The following SUCO variants were observed in gnomAD, a reference collection of about 807,000 sequenced individuals.
SUCO encodes the protein SUN domain containing ossification factor.
SUCO carries 57 observed loss-of-function variants against 148.1 expected under a neutral mutation model. That is an observed-to-expected ratio of 0.38 (90% CI 0.31 to 0.48). The LOEUF (loss-of-function observed/expected upper bound fraction) is 0.48. Ranked by LOEUF, SUCO falls within the 20% of genes least tolerant of loss-of-function variation. The probability of loss-of-function intolerance (pLI) is 0.96; values close to 1 mark genes in which losing one functional copy is unlikely to be tolerated. For missense variants in SUCO, 1,331 were observed against 1,468.2 expected (o/e 0.91, Z 1.53); for synonymous variants, 470 against 502.7 (o/e 0.93, Z 0.87).
At chr1:172,583,600 C>G (rs1459151499) in intron 15 of SUCO, among the ~76,000 whole-genome samples, 3 of 152,190 alleles carry the variant, frequency 2.0e-5, no homozygotes, top group Non-Finnish European at 4.4e-5. Flanking sequence ...TCCTTTTCTA[C>G]TTTTCACATC....
At chr1:172,605,274 CCT>C (rs1657793958) in intron 22 of SUCO, among the ~76,000 whole-genome samples, 1 of 151,740 alleles carries the variant, frequency 6.6e-6, no homozygotes, top group African/African-American at 2.4e-5. Flanking sequence ...AAGCTTTTCC[CCT>C]GTTTTCTTCC....
At chr1:172,576,893 C>T in intron 11 of SUCO, 1 of 784,212 alleles carries the variant, frequency 1.3e-6, no homozygotes, top group Non-Finnish European at 1.5e-6. Context: ...AGTTTTTTAC[C>T]TGGATGTTCC....
At chr1:172,608,899 C>T in intron 23 of SUCO, 97 bp downstream of exon 23, 1 of 797,282 alleles carries the variant, frequency 1.3e-6, no homozygotes. Flanking sequence ...TTTAAGTAGT[C>T]CTTAACTGAA....
chr1:172,586,461 G>T (rs1301902761), intron 17 of SUCO, among the ~76,000 whole-genome samples: 1 of 152,048 alleles, frequency 6.6e-6, no homozygotes, highest in African/African-American at 2.4e-5. Context: ...CTTTGGGCAG[G>T]GATGTATCTA....
chr1:172,610,578 C>T lies in SUCO; in HGVS notation c.*319C>T, dbSNP rs1295978658. 1 of 202,632 alleles carries T rather than the reference C, an allele frequency of 4.9e-6. No individual in the cohort carries two copies. The highest frequency in any genetic ancestry group is 1.1e-4 in the East Asian group (1 of 9,036). The allele number at this position is 202,632 out of a possible 1,614,324, so 12.6% of individuals were successfully genotyped here. On this transcript the variant is annotated 3_prime_UTR_variant, in exon 24 of 24. Coordinates refer to ENST00000263688, the MANE Select transcript of SUCO (RefSeq NM_014283.5). ...GGGATAGGAATGAAAGCCTAAACCT[C>T]TTCCTTTAGCTTTGTTCCTATTTCT...
intron 22 of SUCO, among the ~76,000 whole-genome samples, chr1:172,604,440 A>C (rs1571297985): frequency 6.6e-6 from 1 of 151,908 alleles, no homozygotes; most frequent in South Asian, 2.1e-4. Context: ...GGCATTTATC[A>C]TAGTATGCTT....
intron 19 of SUCO, among the ~76,000 whole-genome samples, chr1:172,598,859 A>G (rs1444624963): frequency 6.6e-6 from 1 of 152,240 alleles, no homozygotes; most frequent in African/African-American, 2.4e-5. Context: ...CATTTTGGAA[A>G]GATGAAGTAG....
intron 1 of SUCO, among the ~76,000 whole-genome samples, chr1:172,535,787 C>G (rs1651967522): frequency 6.6e-6 from 1 of 152,070 alleles, no homozygotes; most frequent in Non-Finnish European, 1.5e-5. Flanking sequence ...CTGAGGTTTC[C>G]CCTCTCATGC....
intron 4 of SUCO, chr1:172,556,968 A>G: frequency 1.1e-5 from 11 of 982,148 alleles, no homozygotes; most frequent in South Asian, 4.7e-5. Flanking sequence ...GAAGGATGCC[A>G]TAAGTAACAA....
At chr1:172,556,485 GA>G (rs1283757745) in intron 4 of SUCO, 4 of 455,026 alleles carry the variant, frequency 8.8e-6, no homozygotes, top group African/African-American at 8.5e-5. Flanking sequence ...CCTTAATTTA[GA>G]AAATTTGTTA....
chr1:172,537,866 A>G (rs1350488659), intron 1 of SUCO, among the ~76,000 whole-genome samples: 1 of 152,178 alleles, frequency 6.6e-6, no homozygotes, highest in East Asian at 1.9e-4. Flanking sequence ...CACTAACTGT[A>G]TGTCTTTGGA....
At chr1:172,548,427 A>G (rs2472549) in intron 1 of SUCO, among the ~76,000 whole-genome samples, 49,189 of 151,636 alleles carry the variant, frequency 0.32, 9,513 homozygotes, top group African/African-American at 0.54. Flanking sequence ...AGCAATGCCT[A>G]TCCATATATC....
At chr1:172,568,432 TTAACC>T (rs763398805) in intron 6 of SUCO, 23 of 981,348 alleles carry the variant, frequency 2.3e-5, no homozygotes, top group Non-Finnish European at 2.8e-5. Flanking sequence ...TCATTTATGG[TTAACC>T]TAACCAAATG....
chr1:172,573,881 C>T lies in SUCO; in HGVS notation c.1050-10C>T. On this transcript the variant is annotated splice_polypyrimidine_tract_variant and intron_variant, in intron 9 of 23. Coordinates refer to ENST00000263688, the MANE Select transcript of SUCO (RefSeq NM_014283.5). ...TTGGTTTAAGTAATTGTCTTTTGTT[C>T]TTTTTGAAGGTTTGTTATTGAACTT... 4.8e-6 allele frequency: 7 copies of T among 1,470,590 alleles called. No homozygotes were observed. The highest frequency in any genetic ancestry group is 6.6e-6 in the Non-Finnish European group (7 of 1,059,420). The allele number at this position is 1,470,590 out of a possible 1,614,324, so 91.1% of individuals were successfully genotyped here. A position where few individuals can be genotyped will look rare whatever the true frequency, so the allele number is the denominator to read the frequency against.
chr1:172,577,725 C>T (rs190154744), intron 12 of SUCO, 39 bp from the exon 13 acceptor site: 1 of 1,597,772 alleles, frequency 6.3e-7, no homozygotes, highest in South Asian at 1.1e-5. Context: ...CTTACATGCT[C>T]TCTGCTGGCT....
intron 22 of SUCO, among the ~76,000 whole-genome samples, chr1:172,604,859 A>G (rs1657762207): frequency 6.6e-6 from 1 of 151,854 alleles, no homozygotes; most frequent in African/African-American, 2.4e-5. Flanking sequence ...TTTTCCTATT[A>G]AAGGGTGAAA....
At chr1:172,536,119 C>T (rs1485659643) in intron 1 of SUCO, among the ~76,000 whole-genome samples, 1 of 152,062 alleles carries the variant, frequency 6.6e-6, no homozygotes, top group Non-Finnish European at 1.5e-5. Flanking sequence ...TTATAAGAAC[C>T]CTATAAGATA....
intron 6 of SUCO, among the ~76,000 whole-genome samples, chr1:172,563,054 C>G (rs1020915622): frequency 6.6e-6 from 1 of 152,150 alleles, no homozygotes; most frequent in African/African-American, 2.4e-5. Context: ...CTGAGGCCTC[C>G]CTAACCATGC....
At chr1:172,585,786 T>G (rs953984246) in intron 16 of SUCO, 72 bp from the exon 17 acceptor site, 2 of 1,051,666 alleles carry the variant, frequency 1.9e-6, no homozygotes, top group African/African-American at 3.2e-5. Context: ...CCAAGAAATT[T>G]GTTTTAGTAA....
Sources: gnomAD v4.1 joint callset for allele counts (sites outside exome capture counted in the v4.1 genomes callset) on GRCh38, gnomAD v4.1.1 for gene constraint, MANE v1.5 for transcripts, NCBI Gene and HGNC (gene_info 2026-07-23, HGNC 2026-07-21) for gene names.